The following ANKIB1 variants were observed in gnomAD, a reference collection of about 807,000 sequenced individuals.
ANKIB1 encodes ankyrin repeat and IBR domain-containing protein 1.
A neutral mutation model predicts 122.1 loss-of-function variants in ANKIB1; 43 were observed. The ratio of observed to expected loss-of-function variants is 0.35; its 90% CI spans 0.28 to 0.45. ANKIB1 has a LOEUF of 0.45. ANKIB1 is among the 20% of genes least tolerant of loss of function. ANKIB1 has a pLI of 1.00. For synonymous variants in ANKIB1, 390 were observed against 442.0 expected (o/e 0.88, Z 1.48); for missense variants, 992 against 1,329.5 (o/e 0.75, Z 3.95).
At chr7:92,248,888 C>CTTTTTTTTTTTTTTT (rs778549860) in intron 1 of ANKIB1, among the ~76,000 whole-genome samples, 1 of 123,022 alleles carries the variant, frequency 8.1e-6, no homozygotes, top group Non-Finnish European at 1.7e-5. Flanking sequence ...TCTTTTCTTT[C>CTTTTTTTTTTTTTTT]TTTTTTTTTT....
At chr7:92,368,246 A>T (rs1051881720) in intron 10 of ANKIB1, among the ~76,000 whole-genome samples, 14 of 151,698 alleles carry the variant, frequency 9.2e-5, no homozygotes, top group Admixed American at 6.6e-4. Context: ...GGATTTTCTG[A>T]TACTCTAATA....
At chr7:92,304,689 G>A (rs1230203969) in intron 2 of ANKIB1, among the ~76,000 whole-genome samples, 1 of 151,976 alleles carries the variant, frequency 6.6e-6, no homozygotes, top group Admixed American at 6.6e-5. Flanking sequence ...TGTCAATCAT[G>A]CCTTGTAGAA....
At chr7:92,321,405 A>G (rs117010573) in intron 4 of ANKIB1, among the ~76,000 whole-genome samples, 1,964 of 152,278 alleles carry the variant, frequency 0.013, 25 homozygotes, top group Non-Finnish European at 0.021. Flanking sequence ...CATAGGACCT[A>G]TCACATGCTA....
In ANKIB1 at chr7:92,376,568, T is replaced by TC. The variant is rs1804388011; in HGVS notation, c.1617+4966dup. 3.3e-5 allele frequency among the ~76,000 whole-genome samples: 5 copies of TC among 151,786 alleles called. No homozygotes were observed. The South Asian group carries it at 1.0e-3, about 32-fold the overall frequency. On this transcript the variant is annotated intron_variant, in intron 11 of 19. Transcript: ENST00000265742. ...GGTTCAAGCGATTCTCCTGTCTTGG[T>TC]CCCCCGAGTAGCTAGGATTACAGGC...
chr7:92,348,188 T>C (rs1287167442), intron 7 of ANKIB1, among the ~76,000 whole-genome samples: 1 of 152,168 alleles, frequency 6.6e-6, no homozygotes, highest in Non-Finnish European at 1.5e-5. Context: ...CAGAGATGAT[T>C]AAATCTTCTC....
intron 14 of ANKIB1, among the ~76,000 whole-genome samples, chr7:92,388,415 T>C (rs1319044004): frequency 6.6e-6 from 1 of 152,224 alleles, no homozygotes; most frequent in East Asian, 1.9e-4. Context: ...TGTAACTGAA[T>C]ACCCAAAAAT....
At chr7:92,304,601 G>A (rs1322442467) in intron 2 of ANKIB1, among the ~76,000 whole-genome samples, 2 of 152,074 alleles carry the variant, frequency 1.3e-5, no homozygotes, top group Admixed American at 6.5e-5. Flanking sequence ...AAATGTGTTT[G>A]TACAGGGTAT....
In ANKIB1 at chr7:92,384,046, A is replaced by G. The variant is rs556965421; in HGVS notation, c.1618-2463A>G. Among the ~76,000 whole-genome samples, 4 of 152,332 alleles carry G rather than the reference A, an allele frequency of 2.6e-5. No homozygotes were observed. The South Asian group carries it at 8.3e-4, about 32-fold the overall frequency. On this transcript the variant is annotated intron_variant, in intron 11 of 19. Coordinates refer to ENST00000265742, the MANE Select transcript of ANKIB1 (RefSeq NM_019004.2). The stretch of plus-strand genomic sequence containing the variant: ...GATAGGCAACTTCAGCAAAGTCTCA[A>G]GATACAAAATCAATGTGCAAAACTC...
chr7:92,328,743 CT>C (rs1803085433), intron 5 of ANKIB1, among the ~76,000 whole-genome samples: 1 of 151,734 alleles, frequency 6.6e-6, no homozygotes, highest in Non-Finnish European at 1.5e-5. Context: ...GCTATTTTAA[CT>C]ATAAATCTTT....
intron 1 of ANKIB1, among the ~76,000 whole-genome samples, chr7:92,289,315 T>C (rs1250457589): frequency 6.6e-6 from 1 of 152,242 alleles, no homozygotes; most frequent in African/African-American, 2.4e-5. Flanking sequence ...CCTTACAGTG[T>C]TCATCTGTGT....
intron 14 of ANKIB1, among the ~76,000 whole-genome samples, chr7:92,389,416 G>A (rs1203833671): frequency 6.6e-6 from 1 of 151,784 alleles, no homozygotes; most frequent in Non-Finnish European, 1.5e-5. Context: ...AGATATTAAG[G>A]CAATTTAGTC....
At position 92,395,269 on chromosome 7, in the gene ANKIB1, T is replaced by C. The variant is rs1314222685; in HGVS notation, c.2284-1096T>C. 2.6e-5 allele frequency among the ~76,000 whole-genome samples: 4 copies of C among 152,230 alleles called. No individual in the cohort carries two copies. The South Asian group carries it at 8.3e-4, about 31-fold the overall frequency. On this transcript the variant is annotated intron_variant, in intron 17 of 19. Transcript: ENST00000265742. ...CTGAGGACATCTGCCTAAGTCTGTG[T>C]TCATCCCATATGCTAAATAGAAAAC...
At chr7:92,342,358 GTT>G (rs1803457171) in intron 5 of ANKIB1, among the ~76,000 whole-genome samples, 1 of 152,108 alleles carries the variant, frequency 6.6e-6, no homozygotes, top group Admixed American at 6.5e-5. Flanking sequence ...TTAGTTTGTT[GTT>G]TTTAAAGGGT....
At chr7:92,277,194 A>AACTGCTCAGTTTATAAACATGAG (rs1801922585) in intron 1 of ANKIB1, among the ~76,000 whole-genome samples, 2 of 152,064 alleles carry the variant, frequency 1.3e-5, no homozygotes, top group Non-Finnish European at 2.9e-5. Flanking sequence ...AGCCAGTTTA[A>AACTGCTCAGTTTATAAACATGAG]CCTCTTTTCT....
intron 5 of ANKIB1, among the ~76,000 whole-genome samples, chr7:92,332,159 G>A (rs1415657138): frequency 6.6e-6 from 1 of 152,162 alleles, no homozygotes; most frequent in Non-Finnish European, 1.5e-5. Context: ...GATAATTCAG[G>A]TTTTTAAGTG....
intron 10 of ANKIB1, among the ~76,000 whole-genome samples, chr7:92,364,310 TAAAAAAAAAA>T (rs762884822): frequency 4.2e-4 from 14 of 33,504 alleles, no homozygotes; most frequent in East Asian, 2.2e-3. Flanking sequence ...AGACTCCATC[TAAAAAAAAAA>T]AAAAAAAAAA....
chr7:92,357,728 C>A (rs1803848906), intron 9 of ANKIB1, among the ~76,000 whole-genome samples: 1 of 137,720 alleles, frequency 7.3e-6, no homozygotes, highest in East Asian at 2.1e-4. Context: ...GAGCAAGACT[C>A]TCTCAAAAAA....
intron 4 of ANKIB1, chr7:92,326,137 G>A (rs888122674): frequency 6.3e-5 from 12 of 191,826 alleles, no homozygotes; most frequent in African/African-American, 2.8e-4. Context: ...ATATGTTCAT[G>A]AAGGCAGTAT....
At chr7:92,351,156 A>C (rs1359280172) in intron 8 of ANKIB1, 62 bp downstream of exon 8, 11 of 1,275,440 alleles carry the variant, frequency 8.6e-6, no homozygotes, top group African/African-American at 1.5e-5. Context: ...AAACCTTTAT[A>C]ACATTATTTT....
Sources: allele counts gnomAD v4.1 joint callset (sites outside exome capture counted in the v4.1 genomes callset), GRCh38; gene constraint gnomAD v4.1.1; transcripts MANE v1.5; gene names NCBI Gene and HGNC (gene_info 2026-07-23, HGNC 2026-07-21).